Variants in ARHGAP44 observed in about 807,000 individuals in gnomAD.
ARHGAP44 encodes rho GTPase-activating protein 44.
Under a neutral mutation model 106.8 loss-of-function variants are expected in ARHGAP44, and 43 were observed. The observed-to-expected ratio is 0.40, with a 90% CI of 0.32 to 0.52. ARHGAP44 has a LOEUF of 0.52. Among genes scored for constraint, ARHGAP44 ranks in the 20% least tolerant of loss-of-function variants. ARHGAP44 has a pLI of 0.48. For missense variants in ARHGAP44, 866 were observed against 1,050.5 expected (o/e 0.82, Z 2.43); for synonymous variants, 439 against 410.3 (o/e 1.07, Z -0.85).
intron 1 of ARHGAP44, among the ~76,000 whole-genome samples, chr17:12,836,798 G>T (rs144212410): frequency 1.0e-3 from 153 of 152,290 alleles, no homozygotes; most frequent in African/African-American, 3.3e-3. Flanking sequence ...AGAACTGAAG[G>T]ATCAGGCAGA....
At chr17:12,920,248 T>C (rs56398457) in intron 6 of ARHGAP44, among the ~76,000 whole-genome samples, 28,958 of 144,630 alleles carry the variant, frequency 0.2, 5,232 homozygotes, top group African/African-American at 0.48. Flanking sequence ...TGGTGGCGGG[T>C]GCCTGTAGTC....
intron 1 of ARHGAP44, among the ~76,000 whole-genome samples, chr17:12,871,992 T>A (rs7216393): frequency 6.6e-6 from 1 of 152,122 alleles, no homozygotes; most frequent in Admixed American, 6.5e-5. Flanking sequence ...TTTATAGCCA[T>A]GTGAGAAAGG....
At chr17:12,972,477 G>A (rs895266054) in intron 16 of ARHGAP44, among the ~76,000 whole-genome samples, 26 of 151,596 alleles carry the variant, frequency 1.7e-4, no homozygotes, top group Non-Finnish European at 3.2e-4. Flanking sequence ...GTTAAACCCT[G>A]TCTCTACTAA....
At chr17:12,966,502 C>T (rs1440899940) in intron 16 of ARHGAP44, among the ~76,000 whole-genome samples, 1 of 152,100 alleles carries the variant, frequency 6.6e-6, no homozygotes. Flanking sequence ...TGGAAAATAC[C>T]GAATTCAGGC....
Position 12,980,083 on chromosome 17 carries a change from C to T in ARHGAP44, c.1789C>T (p.Pro597Ser). ...CACAACAAAAAGCAAGGAACTTTCT[C>T]CAGGCTCTGCACAGAAAGGAAGTCC... Reference protein sequence around the residue: ...TSTTKSKELSPGSAQKGSPGS... With the variant: ...TSTTKSKELSSGSAQKGSPGS... The change falls in exon 19 of 21, where the codon CCA (proline) becomes TCA (serine). Residue 597 changes from proline to serine, a missense_variant. Around this residue, in one of 2 missense-constraint regions of ARHGAP44, gnomAD observed 418 missense variants for 403.6 expected, o/e 1.04. Transcript: ENST00000379672. 1.2e-6 allele frequency: 2 copies of T among 1,609,548 alleles called. No homozygotes were observed. The highest frequency in any genetic ancestry group is 2.2e-5 in the East Asian group (1 of 44,776).
At chr17:12,883,056 G>A (rs892305514) in intron 1 of ARHGAP44, among the ~76,000 whole-genome samples, 3 of 151,626 alleles carry the variant, frequency 2.0e-5, no homozygotes, top group Non-Finnish European at 4.4e-5. Context: ...TTTCTTTTTG[G>A]AATGATGTTT....
chr17:12,882,922 G>A (rs1192834567), intron 1 of ARHGAP44, among the ~76,000 whole-genome samples: 1 of 151,610 alleles, frequency 6.6e-6, no homozygotes, highest in Non-Finnish European at 1.5e-5. Context: ...GTTGCACTGT[G>A]TTACTTCTTT....
intron 3 of ARHGAP44, among the ~76,000 whole-genome samples, chr17:12,905,793 A>T (rs2150935248): frequency 6.6e-6 from 1 of 152,328 alleles, no homozygotes; most frequent in East Asian, 1.9e-4. Flanking sequence ...AGGTCATGGG[A>T]CTGTGAATGT....
chr17:12,944,059 C>A lies in ARHGAP44; in HGVS notation c.734-10C>A. The A allele has an allele frequency of 6.3e-7, 1 of 1,593,626 alleles. No homozygotes were observed. The highest frequency in any genetic ancestry group is 8.6e-7 in the Non-Finnish European group (1 of 1,167,068). ...ACAGCTGACTGACTCTTTCTCACTC[C>A]TCCCCTCAGAGGCCTGGGTAGAGAA... is the stretch of plus-strand genomic sequence containing the variant. On this transcript the variant is annotated splice_polypyrimidine_tract_variant and intron_variant, in intron 9 of 20. Coordinates refer to ENST00000379672, the MANE Select transcript of ARHGAP44 (RefSeq NM_014859.6).
At chr17:12,959,635 C>T (rs760171838) in intron 16 of ARHGAP44, among the ~76,000 whole-genome samples, 2 of 152,150 alleles carry the variant, frequency 1.3e-5, no homozygotes, top group African/African-American at 4.8e-5. Context: ...AACCAGAGGA[C>T]GTGGACTAAT....
intron 3 of ARHGAP44, 45 bp from the exon 4 acceptor site, chr17:12,908,852 G>A (rs1344952626): frequency 6.6e-7 from 1 of 1,507,808 alleles, no homozygotes; most frequent in Non-Finnish European, 9.1e-7. Flanking sequence ...TTCAACAGAT[G>A]AATATGGAAA....
chr17:12,922,659 C>T lies in ARHGAP44; in HGVS notation c.464+2828C>T, dbSNP rs117476629. On this transcript the variant is annotated intron_variant, in intron 6 of 20. Coordinates refer to ENST00000379672, the MANE Select transcript of ARHGAP44 (RefSeq NM_014859.6). ...ATTACCATACATATTTTTGTTTTGTCTTCTTATGAGAAGGAGAATTATTCC... is the reference window on the plus strand; with the variant it reads ...ATTACCATACATATTTTTGTTTTGTTTTCTTATGAGAAGGAGAATTATTCC... Among the ~76,000 whole-genome samples, 133 of 152,264 alleles carry T rather than the reference C, an allele frequency of 8.7e-4. 5 individuals carry two copies. The East Asian group carries it at 0.022, about 25-fold the overall frequency.
chr17:12,944,095 G>C lies in ARHGAP44; in HGVS notation c.760G>C (p.Gly254Arg). The change falls in exon 10 of 21, where the codon GGG becomes CGG. Residue 254 changes from glycine to arginine, a missense_variant. Gly to Arg is a moderately radical substitution (Grantham distance 125). This residue lies in a region of ARHGAP44 where 448 missense variants were observed against 646.9 expected (regional missense o/e 0.69). Coordinates refer to ENST00000379672, the MANE Select transcript of ARHGAP44 (RefSeq NM_014859.6). ...QEAWVEKPSF[G>R]KPLEEHLTIS... The stretch of plus-strand genomic sequence containing the variant: ...GGCCTGGGTAGAGAAGCCTTCCTTC[G>C]GGAAGCCGCTGGAGGAGCACCTCAC... The C allele has an allele frequency of 6.2e-7, 1 of 1,612,094 alleles. No individual in the cohort carries two copies. Among genetic ancestry groups the C allele is most frequent in the Non-Finnish European group, 8.5e-7 (1 of 1,179,106 alleles).
At chr17:12,980,306 C>T (rs1486889301) in intron 19 of ARHGAP44, 73 bp downstream of exon 19, 5 of 1,468,796 alleles carry the variant, frequency 3.4e-6, no homozygotes, top group Non-Finnish European at 4.6e-6. Flanking sequence ...GCTCGTTTTC[C>T]TCTATGAACT....
chr17:12,886,322 C>T (rs144846642), intron 1 of ARHGAP44, among the ~76,000 whole-genome samples: 123 of 152,152 alleles, frequency 8.1e-4, no homozygotes, highest in African/African-American at 2.6e-3. Flanking sequence ...TTTGTACTTT[C>T]GTATCAATTT....
chr17:12,989,428 C>T (rs1017304711), intron 20 of ARHGAP44, among the ~76,000 whole-genome samples: 13 of 152,118 alleles, frequency 8.5e-5, no homozygotes, highest in Non-Finnish European at 1.9e-4. Context: ...GGAAAAATGA[C>T]CTTTTAATGC....
intron 3 of ARHGAP44, among the ~76,000 whole-genome samples, chr17:12,905,875 C>T (rs1251806577): frequency 2.0e-5 from 3 of 152,186 alleles, no homozygotes; most frequent in African/African-American, 4.8e-5. Flanking sequence ...ACATTCAAGA[C>T]GAAGCATCTT....
intron 16 of ARHGAP44, among the ~76,000 whole-genome samples, chr17:12,966,155 C>CAATAAAAA (rs2039385796): frequency 8.6e-6 from 1 of 116,746 alleles, no homozygotes. Context: ...CACGCTGTCT[C>CAATAAAAA]AAAAAAAAAA....
chr17:12,978,944 C>T (rs149433716), intron 18 of ARHGAP44, among the ~76,000 whole-genome samples: 16 of 152,208 alleles, frequency 1.1e-4, no homozygotes, highest in African/African-American at 3.4e-4. Context: ...CTGCCTCGGC[C>T]TCCCAAAGTG....
Sources: gnomAD v4.1 joint callset for allele counts (sites outside exome capture counted in the v4.1 genomes callset) on GRCh38, gnomAD v4.1.1 for gene constraint, gnomAD v4.1.1 regional missense constraint, MANE v1.5 for transcripts, NCBI Gene and HGNC (gene_info 2026-07-23, HGNC 2026-07-21) for gene names.